PPARGC1A: variants seen among roughly 807,000 people sequenced by gnomAD.
PPARGC1A encodes peroxisome proliferator-activated receptor gamma coactivator 1-alpha.
A neutral mutation model predicts 88.7 loss-of-function variants in PPARGC1A; 25 were observed. That is an observed-to-expected ratio of 0.28 (90% CI 0.21 to 0.39). PPARGC1A has a LOEUF of 0.39. Among genes scored for constraint, PPARGC1A ranks in the 10% least tolerant of loss-of-function variants. The pLI, the probability that PPARGC1A is intolerant of heterozygous loss-of-function variation, is 1.00. For synonymous variants in PPARGC1A, 363 were observed against 355.6 expected, an observed-to-expected ratio of 1.02 and a Z score of -0.24; for missense variants, 880 against 968.7, an observed-to-expected ratio of 0.91 and a Z score of 1.22.
the PPARGC1A span, among the ~76,000 whole-genome samples, chr4:24,409,987 C>G: frequency 6.6e-6 from 1 of 152,142 alleles, no homozygotes; most frequent in South Asian, 2.1e-4. Flanking sequence ...GGTTAGCAAG[C>G]CATTAACTTC....
intron 2 of PPARGC1A, among the ~76,000 whole-genome samples, chr4:23,838,994 G>C (rs977469757): frequency 6.6e-6 from 1 of 152,072 alleles, no homozygotes; most frequent in Admixed American, 6.6e-5. Context: ...GCTAATTCCT[G>C]TAAAAATAAA....
At chr4:24,060,830 G>A in the PPARGC1A span, among the ~76,000 whole-genome samples, 1 of 151,608 alleles carries the variant, frequency 6.6e-6, no homozygotes. Flanking sequence ...CTTTAATGAG[G>A]GCTTACAACA....
chr4:23,935,462 TATC>T, the PPARGC1A span, among the ~76,000 whole-genome samples: 1 of 152,214 alleles, frequency 6.6e-6, no homozygotes, highest in Non-Finnish European at 1.5e-5. Context: ...TTCCTAGCTG[TATC>T]ATCATAATGA....
At chr4:23,960,452 A>T in the PPARGC1A span, among the ~76,000 whole-genome samples, 5 of 152,156 alleles carry the variant, frequency 3.3e-5, no homozygotes, top group African/African-American at 9.7e-5. Flanking sequence ...AAAAGTAGGT[A>T]AATGACAACT....
chr4:24,261,537 G>T, the PPARGC1A span, among the ~76,000 whole-genome samples: 1 of 152,142 alleles, frequency 6.6e-6, no homozygotes, highest in Non-Finnish European at 1.5e-5. Flanking sequence ...TTTCACTTTG[G>T]ATGTAATTCA....
intron 10 of PPARGC1A, 56 bp from the exon 11 acceptor site, chr4:23,802,401 C>T (rs762041240): frequency 1.3e-4 from 209 of 1,607,896 alleles, no homozygotes; most frequent in Middle Eastern, 1.7e-4. Flanking sequence ...AGCCCTCGGC[C>T]GGGCACAGTG....
the PPARGC1A span, among the ~76,000 whole-genome samples, chr4:24,197,682 A>C: frequency 6.6e-5 from 10 of 152,218 alleles, no homozygotes; most frequent in African/African-American, 2.4e-4. Context: ...TTTCAAAAAA[A>C]TCCAGCAATA....
chr4:23,959,159 T>A, the PPARGC1A span, among the ~76,000 whole-genome samples: 1 of 152,018 alleles, frequency 6.6e-6, no homozygotes, highest in African/African-American at 2.4e-5. Flanking sequence ...AATGCAAATG[T>A]GACTATATTG....
At chr4:23,901,993 C>A (rs1327955823), upstream of PPARGC1A, among the ~76,000 whole-genome samples, 1 of 151,990 alleles carries the variant, frequency 6.6e-6, no homozygotes, top group African/African-American at 2.4e-5. Flanking sequence ...TATATGGCTA[C>A]TGAGAACTTA....
At chr4:23,995,811 G>A in the PPARGC1A span, among the ~76,000 whole-genome samples, 1 of 152,050 alleles carries the variant, frequency 6.6e-6, no homozygotes. Flanking sequence ...TTACCTGCTT[G>A]TTCCTCTAGT....
At chr4:24,236,681 C>T in the PPARGC1A span, among the ~76,000 whole-genome samples, 2 of 152,176 alleles carry the variant, frequency 1.3e-5, no homozygotes, top group Non-Finnish European at 2.9e-5. Context: ...AACACATACT[C>T]ACATATCCTG....
At chr4:24,322,439 C>A in the PPARGC1A span, among the ~76,000 whole-genome samples, 2 of 152,214 alleles carry the variant, frequency 1.3e-5, no homozygotes, top group South Asian at 4.1e-4. Flanking sequence ...ACACCTCAGA[C>A]ACTTTATTCC....
the PPARGC1A span, among the ~76,000 whole-genome samples, chr4:23,932,096 G>A: frequency 6.6e-6 from 1 of 152,064 alleles, no homozygotes. Flanking sequence ...TAGAAAGAAG[G>A]CAAATCCATT....
At chr4:24,048,013 CA>C in the PPARGC1A span, among the ~76,000 whole-genome samples, 1 of 152,132 alleles carries the variant, frequency 6.6e-6, no homozygotes, top group Non-Finnish European at 1.5e-5. Flanking sequence ...CTATACTAAG[CA>C]TGTCTTTTGA....
chr4:24,425,985 C>G, the PPARGC1A span, among the ~76,000 whole-genome samples: 1 of 152,278 alleles, frequency 6.6e-6, no homozygotes, highest in African/African-American at 2.4e-5. Context: ...AAAAGGAATG[C>G]TTACACATTT....
the PPARGC1A span, among the ~76,000 whole-genome samples, chr4:24,387,830 AAGAGAGAAAGAGAG>A: frequency 1.0e-5 from 1 of 96,548 alleles, no homozygotes; most frequent in Admixed American, 1.2e-4. Context: ...GAAAGAGAGA[AAGAGAGAAAGAGAG>A]AGAGAAAGAG....
chr4:24,448,701 G>C, the PPARGC1A span, among the ~76,000 whole-genome samples: 1 of 152,122 alleles, frequency 6.6e-6, no homozygotes, highest in East Asian at 1.9e-4. Flanking sequence ...GAAGATCGAA[G>C]GTTAATCACG....
chr4:23,906,560 C>T (rs145443547), upstream of PPARGC1A, among the ~76,000 whole-genome samples: 673 of 135,616 alleles, frequency 5.0e-3, 34 homozygotes, highest in East Asian at 0.097. Flanking sequence ...TGGGCCTTGA[C>T]GGTGCTACGC....
chr4:24,084,774 C>A, the PPARGC1A span, among the ~76,000 whole-genome samples: 4 of 152,122 alleles, frequency 2.6e-5, no homozygotes, highest in African/African-American at 9.7e-5. Context: ...ATGAACGTGT[C>A]CCACATTTAA....
Sources: allele counts gnomAD v4.1 joint callset (sites outside exome capture counted in the v4.1 genomes callset), GRCh38; gene constraint gnomAD v4.1.1; transcripts MANE v1.5; gene names NCBI Gene and HGNC (gene_info 2026-07-23, HGNC 2026-07-21).